ZMYM2: variants seen among roughly 807,000 people sequenced by gnomAD.
ZMYM2 encodes zinc finger MYM-type protein 2.
ZMYM2 carries 56 observed loss-of-function variants against 162.8 expected under a neutral mutation model. That is an observed-to-expected ratio of 0.34 (90% confidence interval 0.28 to 0.43). ZMYM2 has a LOEUF of 0.43. Among genes scored for constraint, ZMYM2 ranks in the 20% least tolerant of loss-of-function variants. The probability of loss-of-function intolerance (pLI) is 1.00; values close to 1 mark genes in which losing one functional copy is unlikely to be tolerated. For missense variants in ZMYM2, 1,275 were observed against 1,621.8 expected (o/e 0.79, Z 3.67); for synonymous variants, 510 against 541.6 (o/e 0.94, Z 0.81).
intron 19 of ZMYM2, among the ~76,000 whole-genome samples, chr13:20,066,082 C>T (rs1242041062): frequency 1.3e-5 from 2 of 152,196 alleles, no homozygotes; most frequent in African/African-American, 4.8e-5. Flanking sequence ...AGAAACATCA[C>T]ATTTCCTGGA....
At chr13:19,884,503 G>A in the ZMYM2 span, among the ~76,000 whole-genome samples, 1 of 151,988 alleles carries the variant, frequency 6.6e-6, no homozygotes, top group African/African-American at 2.4e-5. Flanking sequence ...GCGTGAACCC[G>A]AAAGGCTTGC....
At position 20,081,950 on chromosome 13, in the gene ZMYM2, A is replaced by G. The variant is rs1036872942; in HGVS notation, c.3454-66A>G. 1.6e-5 allele frequency: 16 copies of G among 971,758 alleles called. No individual in the cohort carries two copies. In the African/African-American group the frequency reaches 2.1e-4, roughly 13 times the overall value. 60.2% of individuals were successfully genotyped at this position (971,758 alleles called of 1,614,324 possible). On this transcript the variant is annotated intron_variant, in intron 21 of 24. Transcript: ENST00000610343. ...TTTTTCTTAAGAAATACGGAGTGTA[A>G]TATGTTTACTATAATTAGCTGATTT...
the ZMYM2 span, among the ~76,000 whole-genome samples, chr13:19,934,852 C>T: frequency 4.0e-5 from 6 of 151,556 alleles, no homozygotes; most frequent in East Asian, 3.9e-4. Flanking sequence ...CTGCCATCTC[C>T]GCCTCCCAGG....
intron 21 of ZMYM2, among the ~76,000 whole-genome samples, chr13:20,074,196 TTGTGTG>T (rs59855358): frequency 0.066 from 9,319 of 141,524 alleles, 347 homozygotes; most frequent in South Asian, 0.12. Context: ...ATGTCAGAAT[TTGTGTG>T]TGTGTGTGTG....
At chr13:20,044,142 T>C (rs903486415) in intron 12 of ZMYM2, among the ~76,000 whole-genome samples, 1 of 152,158 alleles carries the variant, frequency 6.6e-6, no homozygotes, top group Non-Finnish European at 1.5e-5. Flanking sequence ...TGATTCTAGG[T>C]GGATGGTCAT....
chr13:20,082,276 T>G, intron 22 of ZMYM2, 146 bp downstream of exon 22: 1 of 646,154 alleles, frequency 1.5e-6, no homozygotes, highest in Non-Finnish European at 2.6e-6. Flanking sequence ...CTTTCATCTC[T>G]TGTTGAATTA....
chr13:19,913,148 C>T, the ZMYM2 span, among the ~76,000 whole-genome samples: 1 of 152,048 alleles, frequency 6.6e-6, no homozygotes, highest in African/African-American at 2.4e-5. Context: ...CTTTGGCGGG[C>T]CCCTATAGGT....
intron 3 of ZMYM2, among the ~76,000 whole-genome samples, chr13:19,998,939 G>T (rs1566257617): frequency 6.6e-6 from 1 of 152,178 alleles, no homozygotes; most frequent in Non-Finnish European, 1.5e-5. Flanking sequence ...ATTTATGAGA[G>T]ACCAGAGTAG....
the ZMYM2 span, among the ~76,000 whole-genome samples, chr13:19,887,497 C>G: frequency 6.6e-6 from 1 of 150,836 alleles, no homozygotes; most frequent in Non-Finnish European, 1.5e-5. Flanking sequence ...CCACTGCACT[C>G]CAGCCTGGGA....
the ZMYM2 span, among the ~76,000 whole-genome samples, chr13:19,881,495 G>A: frequency 2.0e-5 from 3 of 151,590 alleles, no homozygotes; most frequent in Non-Finnish European, 2.9e-5. Flanking sequence ...GGTGGCATGC[G>A]CCTGTAATCC....
chr13:19,919,412 G>GA, the ZMYM2 span, among the ~76,000 whole-genome samples: 19 of 152,268 alleles, frequency 1.2e-4, no homozygotes, highest in African/African-American at 4.3e-4. Flanking sequence ...AGTGTTTTAA[G>GA]AAGCTGCCAA....
intron 12 of ZMYM2, among the ~76,000 whole-genome samples, chr13:20,038,030 G>A (rs570027564): frequency 2.6e-5 from 4 of 152,272 alleles, no homozygotes; most frequent in East Asian, 1.9e-4. Flanking sequence ...CCACATATAA[G>A]TGAAAACATG....
At chr13:20,058,920 A>C (rs748080727) in intron 15 of ZMYM2, 1 of 693,860 alleles carries the variant, frequency 1.4e-6, no homozygotes, top group Non-Finnish European at 2.5e-6. Context: ...CTAGAATACA[A>C]ATTATGTCAA....
intron 12 of ZMYM2, among the ~76,000 whole-genome samples, chr13:20,048,008 C>CAA (rs1954977726): frequency 6.6e-6 from 1 of 151,888 alleles, no homozygotes; most frequent in East Asian, 1.9e-4. Flanking sequence ...ACAATAATAG[C>CAA]TAGAAGGTGT....
chr13:19,894,970 G>A, the ZMYM2 span, among the ~76,000 whole-genome samples: 1 of 150,844 alleles, frequency 6.6e-6, no homozygotes, highest in Non-Finnish European at 1.5e-5. Flanking sequence ...GCGCCTACTC[G>A]GGAGGCTGAG....
chr13:19,978,753 TAA>T (rs551696564), intron 2 of ZMYM2, among the ~76,000 whole-genome samples: 2 of 152,166 alleles, frequency 1.3e-5, no homozygotes, highest in Non-Finnish European at 2.9e-5. Context: ...TTATATCATA[TAA>T]AAAAATTAAT....
At position 19,990,587 on chromosome 13, in the gene ZMYM2, TA is replaced by T. The variant is rs959394486; in HGVS notation, c.-10-2468del. On this transcript the variant is annotated intron_variant, in intron 2 of 24. Coordinates refer to ENST00000610343, the MANE Select transcript of ZMYM2 (RefSeq NM_197968.4). ...TGTTTAAAAGTTTTTAAATTTAGTT[TA>T]AAAAAAAGTGATAAATCACGTGGCC... Among the ~76,000 whole-genome samples the T allele has an allele frequency of 4.2e-4, 64 of 152,132 alleles. 1 individual carries two copies. The highest frequency in any genetic ancestry group is 7.9e-4 in the Admixed American group (12 of 15,280).
At chr13:19,867,784 TC>T in the ZMYM2 span, among the ~76,000 whole-genome samples, 1 of 152,070 alleles carries the variant, frequency 6.6e-6, no homozygotes, top group Non-Finnish European at 1.5e-5. Flanking sequence ...CGCCACCACG[TC>T]CAGCTAATTT....
chr13:19,884,305 G>T, the ZMYM2 span, among the ~76,000 whole-genome samples: 23 of 152,106 alleles, frequency 1.5e-4, no homozygotes, highest in African/African-American at 5.3e-4. Flanking sequence ...GGGGTGCTGT[G>T]GCTGCCGCTT....
Sources: gnomAD v4.1 joint callset for allele counts (sites outside exome capture counted in the v4.1 genomes callset) on GRCh38, gnomAD v4.1.1 for gene constraint, MANE v1.5 for transcripts, NCBI Gene and HGNC (gene_info 2026-07-23, HGNC 2026-07-21) for gene names.